STK38L: variants seen among roughly 807,000 people sequenced by gnomAD.
The protein encoded by STK38L is serine/threonine kinase 38 like.
Under a neutral mutation model 59.7 loss-of-function variants are expected in STK38L, and 28 were observed. The ratio of observed to expected loss-of-function variants is 0.47; its 90% CI spans 0.35 to 0.64. STK38L has a LOEUF of 0.64. Among genes scored for constraint, STK38L ranks in the 30% least tolerant of loss-of-function variants. The pLI is 0.01. For missense variants in STK38L, 314 were observed against 555.8 expected (o/e 0.56, Z 4.37); for synonymous variants, 162 against 176.8 (o/e 0.92, Z 0.66).
chr12:27,278,465 G>T (rs1200476742), intron 1 of STK38L, among the ~76,000 whole-genome samples: 2 of 152,052 alleles, frequency 1.3e-5, no homozygotes, highest in Non-Finnish European at 2.9e-5. Context: ...CAATTTTATA[G>T]GATCTTAGCA....
chr12:27,256,726 C>T (rs559939219), intron 1 of STK38L, among the ~76,000 whole-genome samples: 1 of 152,354 alleles, frequency 6.6e-6, no homozygotes, highest in South Asian at 2.1e-4. Context: ...AACTGGTTCT[C>T]ATCTCAGAAT....
At position 27,323,418 on chromosome 12, in the gene STK38L, A is replaced by G. The variant is rs1328344632; in HGVS notation, c.*963A>G. On this transcript the variant is annotated 3_prime_UTR_variant, in exon 14 of 14. Transcript: ENST00000389032. ...ATGGACTTATAGAGAACAAAAAGCTATTTACTTTGGTTTTCTAGAAAGTTG... is the reference window on the plus strand; with the variant it reads ...ATGGACTTATAGAGAACAAAAAGCTGTTTACTTTGGTTTTCTAGAAAGTTG... The G allele has an allele frequency of 1.3e-5, 2 of 152,512 alleles. No homozygotes were observed. The highest frequency in any genetic ancestry group is 2.9e-5 in the Non-Finnish European group (2 of 67,976). The allele number at this position is 152,512 out of a possible 1,614,324, so 9.4% of individuals were successfully genotyped here.
In STK38L at chr12:27,325,382, T is replaced by C. The variant is rs1311311270; in HGVS notation, c.*2927T>C. 6.6e-6 allele frequency: 1 copy of C among 152,208 alleles called. No individual in the cohort carries two copies. The highest frequency in any genetic ancestry group is 1.5e-5 in the Non-Finnish European group (1 of 68,014). 9.4% of individuals were successfully genotyped at this position (152,208 alleles called of 1,614,324 possible). A position where few individuals can be genotyped will look rare whatever the true frequency, so the allele number is the denominator to read the frequency against. On this transcript the variant is annotated 3_prime_UTR_variant, in exon 14 of 14. Transcript: ENST00000389032. Reference sequence around the variant, plus strand: ...TGTAAATCTCTAAATTTAAAATATTTTAAGTACATTTATTTTTGGTGTTTT... The same window carrying C: ...TGTAAATCTCTAAATTTAAAATATTCTAAGTACATTTATTTTTGGTGTTTT...
At chr12:27,309,247 T>C in intron 5 of STK38L, 50 bp downstream of exon 5, 4 of 1,342,398 alleles carry the variant, frequency 3.0e-6, no homozygotes, top group Non-Finnish European at 4.1e-6. Context: ...ACTGACGCAG[T>C]GTTAAGAGTG....
chr12:27,312,522 A>G (rs1565553254), intron 5 of STK38L, 27 bp from the exon 6 acceptor site: 1 of 1,609,412 alleles, frequency 6.2e-7, no homozygotes, highest in South Asian at 1.1e-5. Context: ...ATTTACAATT[A>G]TTTTTTTCAA....
intron 1 of STK38L, among the ~76,000 whole-genome samples, chr12:27,266,780 G>T (rs1372700233): frequency 6.6e-6 from 1 of 152,124 alleles, no homozygotes; most frequent in African/African-American, 2.4e-5. Flanking sequence ...TTCCCAGATT[G>T]TGTTTATCTG....
chr12:27,258,924 T>C (rs1335943263), intron 1 of STK38L, among the ~76,000 whole-genome samples: 2 of 151,774 alleles, frequency 1.3e-5, no homozygotes, highest in African/African-American at 4.9e-5. Flanking sequence ...ATTCTGAGTT[T>C]TGTTATTTAA....
In STK38L at chr12:27,308,293, C is replaced by T. The variant is rs1253349504; in HGVS notation, c.187-46C>T. Reference sequence around the variant, plus strand: ...TTTAATACTAGAAGCTCCATCAAAACAACCTAATTATAAAATCATCCGTTT... The same window carrying T: ...TTTAATACTAGAAGCTCCATCAAAATAACCTAATTATAAAATCATCCGTTT... On this transcript the variant is annotated intron_variant, in intron 3 of 13. Transcript: ENST00000389032. This position sits in a 1 kb window ranked among gnomAD's most constrained non-coding sequence, Gnocchi z 4.5. 1 of 1,457,480 alleles carries T rather than the reference C, an allele frequency of 6.9e-7. No individual in the cohort carries two copies. The highest frequency in any genetic ancestry group is 9.1e-7 in the Non-Finnish European group (1 of 1,096,956). The allele number at this position is 1,457,480 out of a possible 1,614,324, so 90.3% of individuals were successfully genotyped here. A position where few individuals can be genotyped will look rare whatever the true frequency, so the allele number is the denominator to read the frequency against.
chr12:27,279,902 G>A (rs2136624982), intron 1 of STK38L, among the ~76,000 whole-genome samples: 1 of 152,178 alleles, frequency 6.6e-6, no homozygotes, highest in Non-Finnish European at 1.5e-5. Context: ...ATATAGCTGA[G>A]GGTTCTGAGC....
At chr12:27,255,659 A>G (rs1368046336) in intron 1 of STK38L, among the ~76,000 whole-genome samples, 1 of 152,146 alleles carries the variant, frequency 6.6e-6, no homozygotes, top group Non-Finnish European at 1.5e-5. Flanking sequence ...AACAGATCAT[A>G]AGATAGCTAA....
chr12:27,299,570 A>G (rs1007462233), intron 2 of STK38L, among the ~76,000 whole-genome samples: 3 of 152,238 alleles, frequency 2.0e-5, no homozygotes, highest in Admixed American at 6.5e-5. Context: ...TAGCGATAAT[A>G]TCTTACACAT....
chr12:27,316,010 CT>C (rs747428917), intron 9 of STK38L, among the ~76,000 whole-genome samples: 14 of 152,152 alleles, frequency 9.2e-5, no homozygotes, highest in Non-Finnish European at 2.1e-4. Context: ...TTAGGATTTT[CT>C]TTTTCTCATT....
intron 1 of STK38L, among the ~76,000 whole-genome samples, chr12:27,294,692 C>T (rs549814295): frequency 6.6e-6 from 1 of 151,120 alleles, no homozygotes; most frequent in African/African-American, 2.4e-5. Flanking sequence ...ATCCCTGTTT[C>T]ACTTTTCCTT....
rs1944183380 is a variant in STK38L, at chr12:27,301,912, G to A, written c.135-225G>A. On this transcript the variant is annotated intron_variant, in intron 2 of 13. Coordinates refer to ENST00000389032, the MANE Select transcript of STK38L (RefSeq NM_015000.4). ...TCATTTAGGCAGGAGCGTGAAGTAA[G>A]CCTTAGAAGTAAATTATTCATTTGG... is the stretch of plus-strand genomic sequence containing the variant. Among the ~76,000 whole-genome samples, 3 of 152,130 alleles carry A rather than the reference G, an allele frequency of 2.0e-5. No individual in the cohort carries two copies. In the South Asian group the frequency reaches 6.2e-4, roughly 31 times the overall value.
intron 1 of STK38L, among the ~76,000 whole-genome samples, chr12:27,296,199 T>A (rs1426279562): frequency 1.3e-5 from 2 of 152,224 alleles, no homozygotes; most frequent in Non-Finnish European, 2.9e-5. Flanking sequence ...GTTCCTGATA[T>A]ATAACCATAC....
At chr12:27,246,157 G>T (rs1942847388) in intron 1 of STK38L, among the ~76,000 whole-genome samples, 1 of 152,200 alleles carries the variant, frequency 6.6e-6, no homozygotes, top group Non-Finnish European at 1.5e-5. Flanking sequence ...GAACAAAGGA[G>T]AAATTGGACT....
In STK38L at chr12:27,258,483, C is replaced by A. The variant is rs192967847; in HGVS notation, c.-12+14151C>A. Among the ~76,000 whole-genome samples the A allele has an allele frequency of 9.1e-4, 139 of 152,188 alleles. 1 individual carries two copies. The highest frequency in any genetic ancestry group is 3.2e-3 in the African/African-American group (134 of 41,522). ...AGCTGGGATTACAGGCCCCTGCCTCCATGCCCAGCTAATTTTTGTATTTTT... is the reference window on the plus strand; with the variant it reads ...AGCTGGGATTACAGGCCCCTGCCTCAATGCCCAGCTAATTTTTGTATTTTT... On this transcript the variant is annotated intron_variant, in intron 1 of 13. Coordinates refer to ENST00000389032, the MANE Select transcript of STK38L (RefSeq NM_015000.4).
Position 27,308,776 on chromosome 12 carries a change from A to G in STK38L, c.309+315A>G, listed in dbSNP as rs1416562920. Among the ~76,000 whole-genome samples, 2 of 150,950 alleles carry G rather than the reference A, an allele frequency of 1.3e-5. No homozygotes were observed. The highest frequency in any genetic ancestry group is 3.9e-4 in the East Asian group (2 of 5,188). ...AGAAGTTGCAGTGAGCTGAGATCCC[A>G]CCATTGCACTCCAGCCTGGGCAACA... On this transcript the variant is annotated intron_variant, in intron 4 of 13. Transcript: ENST00000389032. This position sits in a 1 kb window ranked among gnomAD's most constrained non-coding sequence, Gnocchi z 4.5.
chr12:27,247,956 A>G lies in STK38L; in HGVS notation c.-12+3624A>G, dbSNP rs117445231. ...CAGCCTCCTGAGTAGCTCGGACTACAGGTGTGCACAAGCACGCCCGACTGA... is the reference window on the plus strand; with the variant it reads ...CAGCCTCCTGAGTAGCTCGGACTACGGGTGTGCACAAGCACGCCCGACTGA... On this transcript the variant is annotated intron_variant, in intron 1 of 13. Coordinates refer to ENST00000389032, the MANE Select transcript of STK38L (RefSeq NM_015000.4). Among the ~76,000 whole-genome samples the G allele has an allele frequency of 7.9e-5, 12 of 151,724 alleles. No homozygotes were observed. In the East Asian group the frequency reaches 1.8e-3, roughly 22 times the overall value.
Sources: gnomAD v4.1 joint callset for allele counts (sites outside exome capture counted in the v4.1 genomes callset) on GRCh38, gnomAD v4.1.1 for gene constraint, Gnocchi (gnomAD v3.1) non-coding constraint, MANE v1.5 for transcripts, NCBI Gene and HGNC (gene_info 2026-07-23, HGNC 2026-07-21) for gene names.